DPP6: variants seen among roughly 807,000 people sequenced by gnomAD.
The protein encoded by DPP6 is A-type potassium channel modulatory protein DPP6.
Under a neutral mutation model 122.6 loss-of-function variants are expected in DPP6, and 69 were observed. That is an observed-to-expected ratio of 0.56 (90% CI 0.46 to 0.69). The LOEUF is 0.69. Ranked by LOEUF, DPP6 falls within the 30% of genes least tolerant of loss-of-function variation. DPP6 has a pLI of 0.00. For synonymous variants in DPP6, 418 were observed against 433.1 expected, an observed-to-expected ratio of 0.97 and a Z score of 0.43; for missense variants, 928 against 1,116.9, an observed-to-expected ratio of 0.83 and a Z score of 2.41.
chr7:154,852,396 G>T (rs952869082), intron 16 of DPP6, among the ~76,000 whole-genome samples: 1 of 151,888 alleles, frequency 6.6e-6, no homozygotes, highest in Non-Finnish European at 1.5e-5. Context: ...TGTCTCCCTG[G>T]GACCACCCAC....
At chr7:154,838,669 A>C (rs1801279060) in intron 16 of DPP6, 1 of 152,260 alleles carries the variant, frequency 6.6e-6, no homozygotes, top group Admixed American at 6.5e-5. Flanking sequence ...CTGGCCCCTA[A>C]GGACGCACGT....
At chr7:154,134,187 A>C (rs1795428611) in intron 1 of DPP6, among the ~76,000 whole-genome samples, 1 of 152,158 alleles carries the variant, frequency 6.6e-6, no homozygotes. Flanking sequence ...ACACAAAGCA[A>C]GGCTGACTGT....
intron 2 of DPP6, among the ~76,000 whole-genome samples, chr7:154,458,581 C>A (rs1479741842): frequency 6.6e-6 from 1 of 152,212 alleles, no homozygotes; most frequent in East Asian, 1.9e-4. Context: ...GTCTCCAGAA[C>A]TGGGAGAGCA....
intron 3 of DPP6, among the ~76,000 whole-genome samples, chr7:154,528,741 C>T (rs536787286): frequency 6.6e-6 from 1 of 152,254 alleles, no homozygotes; most frequent in African/African-American, 2.4e-5. Flanking sequence ...GAAGTATGGA[C>T]TGAAAGCAGA....
intron 6 of DPP6, among the ~76,000 whole-genome samples, chr7:154,666,230 C>CATAA: frequency 6.7e-6 from 1 of 149,948 alleles, no homozygotes; most frequent in African/African-American, 2.5e-5. Flanking sequence ...TACATACATA[C>CATAA]ATACTATAAC....
At chr7:154,156,225 C>G (rs1796671392) in intron 1 of DPP6, among the ~76,000 whole-genome samples, 1 of 152,264 alleles carries the variant, frequency 6.6e-6, no homozygotes, top group Admixed American at 6.5e-5. Flanking sequence ...GAGCTCATCT[C>G]TTTTGCAGGC....
At chr7:153,865,046 T>C in the DPP6 span, among the ~76,000 whole-genome samples, 288 of 152,284 alleles carry the variant, frequency 1.9e-3, 2 homozygotes, top group African/African-American at 6.4e-3. Flanking sequence ...ACAGTGGTGA[T>C]GTGAAGGTAA....
At chr7:154,823,104 A>G (rs193115705) in intron 16 of DPP6, among the ~76,000 whole-genome samples, 3 of 152,364 alleles carry the variant, frequency 2.0e-5, no homozygotes, top group South Asian at 2.1e-4. Flanking sequence ...TTAGGTTACA[A>G]TGAAAGCTGC....
At chr7:154,774,208 G>A (rs1166840007) in intron 10 of DPP6, among the ~76,000 whole-genome samples, 1 of 152,106 alleles carries the variant, frequency 6.6e-6, no homozygotes, top group Non-Finnish European at 1.5e-5. Context: ...TGGTCACTGG[G>A]GTATCAGCCC....
chr7:154,243,959 G>T (rs191769845), intron 1 of DPP6, among the ~76,000 whole-genome samples: 1 of 151,764 alleles, frequency 6.6e-6, no homozygotes, highest in Admixed American at 6.6e-5. Context: ...TGTAAGTTGC[G>T]TCTCAACAGG....
At chr7:153,983,483 T>C (rs1796693138) in intron 1 of DPP6, among the ~76,000 whole-genome samples, 1 of 152,218 alleles carries the variant, frequency 6.6e-6, no homozygotes, top group Non-Finnish European at 1.5e-5. Context: ...CTTATTGGGC[T>C]CCATGGAGAT....
At chr7:154,382,073 CTTTT>C (rs55970006) in intron 1 of DPP6, among the ~76,000 whole-genome samples, 6 of 130,854 alleles carry the variant, frequency 4.6e-5, no homozygotes, top group Non-Finnish European at 6.3e-5. Context: ...TTTTTTTTTC[CTTTT>C]TTTTTTTTTT....
At chr7:154,701,579 G>A (rs556497617) in intron 7 of DPP6, among the ~76,000 whole-genome samples, 2 of 152,290 alleles carry the variant, frequency 1.3e-5, no homozygotes, top group East Asian at 1.9e-4. Context: ...CGTGGTGTGC[G>A]GGGAGTTACT....
intron 6 of DPP6, among the ~76,000 whole-genome samples, chr7:154,656,937 T>C (rs1382212392): frequency 9.7e-5 from 1 of 10,262 alleles, no homozygotes; most frequent in Non-Finnish European, 4.0e-4. Context: ...GAGGAGGTGC[T>C]CATGGGTGGG....
At chr7:154,682,179 T>C (rs1467627657) in intron 7 of DPP6, among the ~76,000 whole-genome samples, 3 of 152,234 alleles carry the variant, frequency 2.0e-5, no homozygotes, top group Middle Eastern at 3.2e-3. Flanking sequence ...TCAGTTCAGA[T>C]TGTGAGCAAT....
intron 1 of DPP6, among the ~76,000 whole-genome samples, chr7:154,155,251 A>G (rs1464471167): frequency 2.6e-5 from 4 of 152,346 alleles, no homozygotes; most frequent in Admixed American, 2.0e-4. Context: ...GTAAGGGTTT[A>G]GAACCTTGTC....
rs1202417475 is a variant in DPP6, at chr7:153,987,069, G to A, written c.51+99335G>A. Among the ~76,000 whole-genome samples, 3 of 152,314 alleles carry A rather than the reference G, an allele frequency of 2.0e-5. No individual in the cohort carries two copies. In the East Asian group the frequency reaches 5.8e-4, roughly 29 times the overall value. ...CAGGCACAGACTGCTCAGAAAGTAA[G>A]CATTTAAAAATTTGTCGAGATGTTA... On this transcript the variant is annotated intron_variant, in intron 1 of 25. Transcript: ENST00000404039.
At chr7:154,265,076 AT>A (rs1563387822) in intron 1 of DPP6, among the ~76,000 whole-genome samples, 311 of 1,050 alleles carry the variant, frequency 0.3, 28 homozygotes, top group African/African-American at 0.33. Context: ...GTTAATGGTG[AT>A]GATGATGGTG....
intron 21 of DPP6, chr7:154,881,186 G>A: frequency 5.2e-6 from 3 of 580,254 alleles, no homozygotes; most frequent in Non-Finnish European, 8.2e-6. Flanking sequence ...AGTCCCCGCA[G>A]GAGAGCTCTA....
Sources: gnomAD v4.1 joint callset for allele counts (sites outside exome capture counted in the v4.1 genomes callset) on GRCh38, gnomAD v4.1.1 for gene constraint, MANE v1.5 for transcripts, NCBI Gene and HGNC (gene_info 2026-07-23, HGNC 2026-07-21) for gene names.